GRIP1: variants seen among roughly 807,000 people sequenced by gnomAD.
The protein encoded by GRIP1 is glutamate receptor interacting protein 1.
In GRIP1, 45 loss-of-function variants were observed where a neutral mutation model predicts 129.9. That is an observed-to-expected ratio of 0.35 (90% CI 0.27 to 0.44). GRIP1 has a LOEUF of 0.44. Ranked by LOEUF, GRIP1 falls within the 20% of genes least tolerant of loss-of-function variation. The probability of loss-of-function intolerance (pLI) is 1.00; values close to 1 mark genes in which losing one functional copy is unlikely to be tolerated. For missense variants in GRIP1, 1,196 were observed against 1,396.8 expected (o/e 0.86, Z 2.29); for synonymous variants, 530 against 520.8 (o/e 1.02, Z -0.24).
At chr12:66,997,558 T>A (rs1849237524) in intron 1 of GRIP1, among the ~76,000 whole-genome samples, 1 of 151,970 alleles carries the variant, frequency 6.6e-6, no homozygotes, top group Admixed American at 6.6e-5. Context: ...ATGAAAAAAC[T>A]TGAGAAAACA....
chr12:66,869,531 T>C (rs1165784771), intron 1 of GRIP1, among the ~76,000 whole-genome samples: 2 of 152,268 alleles, frequency 1.3e-5, no homozygotes, highest in East Asian at 3.9e-4. Context: ...ATGTTTAACA[T>C]GTAAATAATT....
At chr12:67,050,994 G>A (rs1408840342) in intron 1 of GRIP1, among the ~76,000 whole-genome samples, 1 of 152,118 alleles carries the variant, frequency 6.6e-6, no homozygotes, top group African/African-American at 2.4e-5. Context: ...TGAGACTTAG[G>A]CAGATACTGA....
At chr12:66,756,270 G>T (rs2037284894) in intron 1 of GRIP1, among the ~76,000 whole-genome samples, 1 of 152,070 alleles carries the variant, frequency 6.6e-6, no homozygotes. Context: ...TCACGTGAGT[G>T]CAATCATATC....
chr12:66,906,965 G>A (rs752335830), intron 1 of GRIP1, among the ~76,000 whole-genome samples: 4 of 152,004 alleles, frequency 2.6e-5, no homozygotes, highest in Non-Finnish European at 5.9e-5. Context: ...CACAACTAAG[G>A]AATTGACCTT....
At chr12:66,665,325 A>G (rs2033735825) in intron 1 of GRIP1, among the ~76,000 whole-genome samples, 1 of 152,252 alleles carries the variant, frequency 6.6e-6, no homozygotes, top group Non-Finnish European at 1.5e-5. Context: ...ACTTTTTATT[A>G]CAATATGGCA....
intron 1 of GRIP1, among the ~76,000 whole-genome samples, chr12:66,852,367 T>C (rs952641038): frequency 7.2e-5 from 11 of 152,044 alleles, no homozygotes; most frequent in African/African-American, 2.4e-4. Flanking sequence ...GGTCAAACTT[T>C]TTAAAAATGT....
At chr12:66,541,354 A>C (rs938104602) in intron 3 of GRIP1, among the ~76,000 whole-genome samples, 1 of 152,198 alleles carries the variant, frequency 6.6e-6, no homozygotes, top group Admixed American at 6.5e-5. Flanking sequence ...ATGTGAGATA[A>C]ACAAAATTTT....
intron 14 of GRIP1, among the ~76,000 whole-genome samples, chr12:66,429,992 T>TCAGCCTTTGCAC (rs1463999870): frequency 6.6e-6 from 1 of 152,224 alleles, no homozygotes; most frequent in Non-Finnish European, 1.5e-5. Context: ...TGTCTATGCA[T>TCAGCCTTTGCAC]CAGCCTTTGC....
rs185763492 is a variant in GRIP1, at chr12:66,855,612, T to C, written c.58+213438A>G. On this transcript the variant is annotated intron_variant, in intron 1 of 1. Coordinates refer to the GRIP1 transcript ENST00000643019. ...ATCAACAAGGCAATAGAGGAAGCCA[T>C]TTTTTCCATGTTTTTACAAGGATAT... Among the ~76,000 whole-genome samples, 272 of 152,216 alleles carry C rather than the reference T, an allele frequency of 1.8e-3. 3 individuals carry two copies. The highest frequency in any genetic ancestry group is 6.3e-3 in the African/African-American group (261 of 41,556).
intron 11 of GRIP1, among the ~76,000 whole-genome samples, chr12:66,449,455 G>A (rs775127281): frequency 6.6e-6 from 1 of 152,080 alleles, no homozygotes; most frequent in Admixed American, 6.6e-5. Context: ...AAAAAAAATC[G>A]ACTTTTCCTT....
At chr12:66,569,035 G>A (rs1355951224) in intron 2 of GRIP1, 2 of 398,432 alleles carry the variant, frequency 5.0e-6, no homozygotes, top group Non-Finnish European at 9.9e-6. Context: ...CTGGTCTTCA[G>A]CAGTCTGCAT....
intron 7 of GRIP1, among the ~76,000 whole-genome samples, chr12:66,501,428 TA>T (rs990090467): frequency 2.0e-5 from 3 of 152,256 alleles, no homozygotes; most frequent in African/African-American, 4.8e-5. Context: ...AAAAGAAGAA[TA>T]TTTTTTTCCC....
chr12:66,429,571 C>T (rs1172881435), intron 14 of GRIP1, among the ~76,000 whole-genome samples: 1 of 152,036 alleles, frequency 6.6e-6, no homozygotes, highest in East Asian at 1.9e-4. Flanking sequence ...TGGCTCATGC[C>T]TGTAGTCCCA....
chr12:66,739,996 C>T (rs2036737419), intron 1 of GRIP1, among the ~76,000 whole-genome samples: 1 of 152,158 alleles, frequency 6.6e-6, no homozygotes, highest in Non-Finnish European at 1.5e-5. Context: ...AGCCTCAAGA[C>T]TGAGATCCTC....
intron 13 of GRIP1, among the ~76,000 whole-genome samples, chr12:66,435,874 G>A (rs370640620): frequency 5.3e-5 from 8 of 152,078 alleles, no homozygotes; most frequent in African/African-American, 1.7e-4. Context: ...CTTTGATCAA[G>A]CTGTGGCTTC....
intron 1 of GRIP1, among the ~76,000 whole-genome samples, chr12:66,932,325 A>G (rs1388894657): frequency 6.6e-6 from 1 of 152,236 alleles, no homozygotes; most frequent in Admixed American, 6.5e-5. Context: ...CTGTTTATTA[A>G]TACCTAACTG....
upstream of GRIP1, among the ~76,000 whole-genome samples, chr12:66,807,628 C>A (rs924641291): frequency 1.3e-5 from 2 of 151,874 alleles, no homozygotes; most frequent in African/African-American, 4.8e-5. Context: ...GAGTAGAGAC[C>A]CCGCCACTGC....
At chr12:67,065,735 T>C (rs1325108249) in intron 1 of GRIP1, among the ~76,000 whole-genome samples, 2 of 152,202 alleles carry the variant, frequency 1.3e-5, no homozygotes, top group African/African-American at 4.8e-5. Flanking sequence ...GAAGGTATGG[T>C]ACCGGCAAAA....
chr12:66,986,844 T>C (rs968951459), intron 1 of GRIP1, among the ~76,000 whole-genome samples: 11 of 133,254 alleles, frequency 8.3e-5, no homozygotes, highest in Non-Finnish European at 1.7e-4. Flanking sequence ...TAAAATAAAA[T>C]TTTTAAAAAA....
Sources: allele counts gnomAD v4.1 joint callset (sites outside exome capture counted in the v4.1 genomes callset), GRCh38; gene constraint gnomAD v4.1.1; transcripts MANE v1.5; gene names NCBI Gene and HGNC (gene_info 2026-07-23, HGNC 2026-07-21).